Variants in HEATR5B observed in about 807,000 individuals in gnomAD.
The protein encoded by HEATR5B is HEAT repeat containing 5B, also known as HEAT repeat-containing protein 5B.
A neutral mutation model predicts 224.1 loss-of-function variants in HEATR5B; 156 were observed. The ratio of observed to expected loss-of-function variants is 0.70; its 90% CI spans 0.61 to 0.80. HEATR5B has a LOEUF of 0.80. Among genes scored for constraint, HEATR5B ranks in the 30% least tolerant of loss-of-function variants. The pLI is 0.00. For missense variants in HEATR5B, 2,323 were observed against 2,535.5 expected, an observed-to-expected ratio of 0.92 and a Z score of 1.80; for synonymous variants, 1,027 against 893.0, an observed-to-expected ratio of 1.15 and a Z score of -2.68.
intron 20 of HEATR5B, among the ~76,000 whole-genome samples, chr2:37,038,385 C>T (rs1362709022): frequency 6.6e-6 from 1 of 152,134 alleles, no homozygotes; most frequent in South Asian, 2.1e-4. Context: ...AATGATCCAC[C>T]CGCCGTGGCC....
At chr2:37,004,934 T>C (rs1667318024) in intron 30 of HEATR5B, among the ~76,000 whole-genome samples, 1 of 152,188 alleles carries the variant, frequency 6.6e-6, no homozygotes, top group Non-Finnish European at 1.5e-5. Flanking sequence ...TTCCCATCTC[T>C]TACAAACCAA....
intron 29 of HEATR5B, among the ~76,000 whole-genome samples, chr2:37,006,522 T>A (rs1053512847): frequency 1.9e-4 from 29 of 152,082 alleles, no homozygotes; most frequent in African/African-American, 6.5e-4. Flanking sequence ...ATGCCCATAA[T>A]CCCAGCTACT....
At chr2:37,018,934 G>C (rs1026074688) in intron 26 of HEATR5B, among the ~76,000 whole-genome samples, 1 of 152,146 alleles carries the variant, frequency 6.6e-6, no homozygotes, top group Admixed American at 6.5e-5. Context: ...GGCCAAGGCA[G>C]GTGAATCACG....
chr2:37,035,440 C>A (rs1323803927), intron 21 of HEATR5B, among the ~76,000 whole-genome samples: 1 of 152,152 alleles, frequency 6.6e-6, no homozygotes, highest in Non-Finnish European at 1.5e-5. Context: ...ACTTGAGTAT[C>A]CTTGCAATAC....
At chr2:37,016,006 A>G (rs906669883) in intron 26 of HEATR5B, among the ~76,000 whole-genome samples, 2 of 152,182 alleles carry the variant, frequency 1.3e-5, no homozygotes, top group African/African-American at 4.8e-5. Context: ...AAACAAAAGA[A>G]AAACCAGGCA....
chr2:36,990,597 T>C, intron 34 of HEATR5B, 51 bp downstream of exon 34: 1 of 1,426,454 alleles, frequency 7.0e-7, no homozygotes, highest in Non-Finnish European at 9.4e-7. Flanking sequence ...TCTGACATTT[T>C]CCTGATAAAG....
chr2:37,078,239 ACAAT>A (rs1672353800), intron 3 of HEATR5B, among the ~76,000 whole-genome samples: 1 of 152,264 alleles, frequency 6.6e-6, no homozygotes, highest in South Asian at 2.1e-4. Flanking sequence ...AATTTAGCTC[ACAAT>A]CAAACACATA....
chr2:37,011,650 A>AT (rs1182143109), intron 27 of HEATR5B, among the ~76,000 whole-genome samples: 2 of 152,226 alleles, frequency 1.3e-5, no homozygotes, highest in Non-Finnish European at 2.9e-5. Flanking sequence ...TTTCATAACC[A>AT]TTATTTTAAT....
chr2:36,994,791 G>C (rs966600001), intron 33 of HEATR5B, among the ~76,000 whole-genome samples: 1 of 151,924 alleles, frequency 6.6e-6, no homozygotes, highest in Admixed American at 6.6e-5. Flanking sequence ...TCGCTCTGTC[G>C]TCCAGGCTGG....
Position 37,005,719 on chromosome 2 carries a change from C to G in HEATR5B, c.4818G>C (p.Glu1606Asp), listed in dbSNP as rs1173579768. 2 of 1,609,080 alleles carry G rather than the reference C, an allele frequency of 1.2e-6. No individual in the cohort carries two copies. The highest frequency in any genetic ancestry group is 1.3e-5 in the African/African-American group (1 of 74,654). Residue 1606 changes from glutamate (E) to aspartate (D), a missense_variant, in exon 30 of 36, where the codon GAG becomes GAC. Physicochemically the swap from Glu to Asp is conservative, Grantham distance 45 (BLOSUM62 2). This residue lies in a region of HEATR5B where 844 missense variants were observed against 812.9 expected (regional missense o/e 1.04). Transcript: ENST00000233099. ...GGCATGCTGTAACATGTTCAATGGG[C>G]TCCTCAGGTCTAGGGGAACAAAGAA... is the stretch of plus-strand genomic sequence containing the variant. ...IQFLCSPRPE[E>D]PIEHVTACLQ...
intron 27 of HEATR5B, among the ~76,000 whole-genome samples, chr2:37,011,699 T>C (rs2148409067): frequency 6.6e-6 from 1 of 152,354 alleles, no homozygotes; most frequent in Admixed American, 6.5e-5. Context: ...CTACCAGTTT[T>C]CCTACAGTTG....
intron 18 of HEATR5B, among the ~76,000 whole-genome samples, chr2:37,048,083 T>C (rs1670313609): frequency 6.6e-6 from 1 of 152,108 alleles, no homozygotes; most frequent in African/African-American, 2.4e-5. Context: ...GCACTGATGA[T>C]ACTTGCAAAC....
chr2:36,995,873 G>C (rs569588478), intron 33 of HEATR5B, among the ~76,000 whole-genome samples: 11 of 152,038 alleles, frequency 7.2e-5, no homozygotes, highest in Non-Finnish European at 1.5e-4. Context: ...TTTTTGATCA[G>C]TAAGGCTAAA....
intron 5 of HEATR5B, among the ~76,000 whole-genome samples, chr2:37,075,257 TAAC>T (rs1377758415): frequency 6.6e-6 from 1 of 152,108 alleles, no homozygotes; most frequent in Non-Finnish European, 1.5e-5. Context: ...TGGATACATA[TAAC>T]AACATAAATG....
At chr2:37,012,609 C>G (rs549957322) in intron 27 of HEATR5B, among the ~76,000 whole-genome samples, 2 of 152,202 alleles carry the variant, frequency 1.3e-5, no homozygotes, top group South Asian at 2.1e-4. Context: ...AGGCTGGTCT[C>G]GAACTCCTGA....
At chr2:37,035,839 T>C (rs1669441955) in intron 21 of HEATR5B, among the ~76,000 whole-genome samples, 1 of 152,110 alleles carries the variant, frequency 6.6e-6, no homozygotes, top group African/African-American at 2.4e-5. Flanking sequence ...TCCAGGCCCA[T>C]AAAACTAACT....
In HEATR5B at chr2:36,981,548, T is replaced by C. The variant is rs374012846; in HGVS notation, c.6158A>G (p.Gln2053Arg). ...TGCAGAATGTATGGCGGGGGCTGGT[T>C]GTCTGGCAGCCGCTTTAGCTTTGCT... ...QASKAKAAAR[Q>R]PAPAIHSAPT... The change falls in exon 36 of 36, where the codon CAA becomes CGA. Residue 2053 changes from glutamine (Q) to arginine (R), a missense_variant. Gln to Arg is a conservative substitution (Grantham distance 43). This residue lies in a region of HEATR5B where 844 missense variants were observed against 812.9 expected (regional missense o/e 1.04). Transcript: ENST00000233099. The C allele has an allele frequency of 1.1e-5, 18 of 1,614,038 alleles. No individual in the cohort carries two copies. Among genetic ancestry groups the C allele is most frequent in the Admixed American group, 1.0e-4 (6 of 59,992 alleles).
At chr2:37,041,970 T>A (rs188457691) in intron 18 of HEATR5B, among the ~76,000 whole-genome samples, 1 of 151,980 alleles carries the variant, frequency 6.6e-6, no homozygotes, top group Admixed American at 6.6e-5. Context: ...CAGTATTACA[T>A]AAAATATTTT....
rs1331377521 is a variant in HEATR5B, at chr2:37,069,052, C to T, written c.928-122G>A. 7.6e-6 allele frequency: 8 copies of T among 1,048,588 alleles called. No individual in the cohort carries two copies. The East Asian group carries it at 2.1e-4, about 28-fold the overall frequency. 65.0% of individuals were successfully genotyped at this position (1,048,588 alleles called of 1,614,324 possible). A position where few individuals can be genotyped will look rare whatever the true frequency, so the allele number is the denominator to read the frequency against. On this transcript the variant is annotated intron_variant, in intron 7 of 35. Transcript: ENST00000233099. ...GAATGAATTGTATTTGAGGCTAAAA[C>T]AGAGAAAATTTAAACTTGAGGTCTT...
Sources: gnomAD v4.1 joint callset for allele counts (sites outside exome capture counted in the v4.1 genomes callset) on GRCh38, gnomAD v4.1.1 for gene constraint, gnomAD v4.1.1 regional missense constraint, MANE v1.5 for transcripts, NCBI Gene and HGNC (gene_info 2026-07-23, HGNC 2026-07-21) for gene names.